Variants in NRXN1 observed in about 807,000 individuals in gnomAD.
NRXN1 encodes the protein neurexin 1.
In NRXN1, 39 loss-of-function variants were observed where a neutral mutation model predicts 150.9. The observed-to-expected ratio is 0.26, with a 90% CI of 0.20 to 0.34. The LOEUF is 0.34. Among genes scored for constraint, NRXN1 ranks in the 10% least tolerant of loss-of-function variants. The probability of loss-of-function intolerance (pLI) is 1.00; values close to 1 mark genes in which losing one functional copy is unlikely to be tolerated. For missense variants in NRXN1, 1,815 were observed against 1,949.9 expected (o/e 0.93, Z 1.30); for synonymous variants, 924 against 757.0 (o/e 1.22, Z -3.62).
At chr2:49,950,540 T>C (rs1673744290) in intron 21 of NRXN1, among the ~76,000 whole-genome samples, 1 of 151,970 alleles carries the variant, frequency 6.6e-6, no homozygotes, top group Non-Finnish European at 1.5e-5. Context: ...AAGGTATAAA[T>C]TGTGGTTCCG....
At chr2:50,027,609 T>G (rs1688561032) in intron 21 of NRXN1, among the ~76,000 whole-genome samples, 1 of 152,078 alleles carries the variant, frequency 6.6e-6, no homozygotes, top group Admixed American at 6.6e-5. Context: ...GTCCTCCTAA[T>G]TTTTATATTT....
At chr2:50,364,751 A>G (rs1027961422) in intron 17 of NRXN1, among the ~76,000 whole-genome samples, 3 of 152,254 alleles carry the variant, frequency 2.0e-5, no homozygotes, top group Admixed American at 6.6e-5. Context: ...GGCAGTAGCA[A>G]CCAGAAACAG....
At chr2:51,007,296 G>A (rs568021542) in intron 2 of NRXN1, among the ~76,000 whole-genome samples, 34 of 151,932 alleles carry the variant, frequency 2.2e-4, no homozygotes, top group Non-Finnish European at 3.5e-4. Context: ...ATTGTCCAAA[G>A]AAAAATTGAT....
chr2:50,929,795 A>T (rs764326603), intron 2 of NRXN1, among the ~76,000 whole-genome samples: 8 of 152,128 alleles, frequency 5.3e-5, no homozygotes, highest in Non-Finnish European at 1.0e-4. Flanking sequence ...AGCAGAGCTT[A>T]GTTCCCATGG....
intron 14 of NRXN1, among the ~76,000 whole-genome samples, chr2:50,496,656 C>A (rs1435699039): frequency 6.6e-6 from 1 of 152,110 alleles, no homozygotes; most frequent in Non-Finnish European, 1.5e-5. Flanking sequence ...CATCTACAAA[C>A]CCTAGGATTG....
At chr2:50,304,867 G>C (rs183284179) in intron 17 of NRXN1, among the ~76,000 whole-genome samples, 80 of 152,166 alleles carry the variant, frequency 5.3e-4, no homozygotes, top group Middle Eastern at 3.4e-3. Context: ...CAAGGTGGGC[G>C]GATCAGAAGG....
At chr2:50,040,959 G>A (rs950045837) in intron 21 of NRXN1, among the ~76,000 whole-genome samples, 5 of 151,866 alleles carry the variant, frequency 3.3e-5, no homozygotes, top group African/African-American at 1.2e-4. Context: ...TTGGTGTGCT[G>A]CACCCATTAA....
chr2:50,442,276 T>G (rs1419752961), intron 17 of NRXN1, among the ~76,000 whole-genome samples: 1 of 152,164 alleles, frequency 6.6e-6, no homozygotes, highest in Non-Finnish European at 1.5e-5. Context: ...GTCCTACATG[T>G]TGCCTATCAT....
intron 5 of NRXN1, among the ~76,000 whole-genome samples, chr2:50,732,478 T>C (rs1698223535): frequency 6.6e-6 from 1 of 152,200 alleles, no homozygotes; most frequent in Non-Finnish European, 1.5e-5. Context: ...CGGTCTGTAC[T>C]TTTCACTGAA....
chr2:50,190,777 T>A (rs1022223318), intron 18 of NRXN1, among the ~76,000 whole-genome samples: 1 of 151,430 alleles, frequency 6.6e-6, no homozygotes, highest in Admixed American at 6.6e-5. Flanking sequence ...CATGGCCGGC[T>A]AATTTTGTAT....
intron 21 of NRXN1, among the ~76,000 whole-genome samples, chr2:50,007,205 A>T (rs79944261): frequency 1.6e-5 from 1 of 62,682 alleles, no homozygotes; most frequent in Admixed American, 2.2e-4. Context: ...AATTAGCCAG[A>T]CATAGTAGTG....
rs587781102 is a variant in NRXN1 at position 51,028,013 on chromosome 2, G to A, written c.261C>T (p.Gly87=). The change falls in exon 2 of 23, where the codon GGC becomes GGT. Residue 87 remains glycine (G), a synonymous_variant. Coordinates refer to ENST00000401669, the MANE Select transcript of NRXN1 (RefSeq NM_001330078.2). ...AGATGGAGAAGCTGAGCTGCAGGCGGCCGCCGCGCGTCAGAATCAGCTCCA... is the reference window on the plus strand; with the variant it reads ...AGATGGAGAAGCTGAGCTGCAGGCGACCGCCGCGCGTCAGAATCAGCTCCA... The part of the protein sequence containing the change: ...DFLELILTRG[G]RLQLSFSIFC... 6.3e-6 allele frequency: 10 copies of A among 1,599,332 alleles called. No homozygotes were observed.
intron 17 of NRXN1, among the ~76,000 whole-genome samples, chr2:50,266,770 C>T (rs905604100): frequency 2.0e-5 from 3 of 151,892 alleles, no homozygotes; most frequent in African/African-American, 4.8e-5. Context: ...TTAATGACTC[C>T]GCTGTGAAGA....
intron 15 of NRXN1, among the ~76,000 whole-genome samples, chr2:50,493,934 T>C (rs549661465): frequency 7.5e-4 from 114 of 152,344 alleles, no homozygotes; most frequent in African/African-American, 2.6e-3. Flanking sequence ...ACAGTGTTTT[T>C]TCTTTATTAT....
chr2:50,910,651 A>G (rs1204822686), intron 5 of NRXN1, among the ~76,000 whole-genome samples: 1 of 151,962 alleles, frequency 6.6e-6, no homozygotes, highest in Non-Finnish European at 1.5e-5. Flanking sequence ...ACAGTGACTG[A>G]CCAATAATAA....
At chr2:50,605,184 C>A (rs552897334) in intron 8 of NRXN1, among the ~76,000 whole-genome samples, 1 of 152,256 alleles carries the variant, frequency 6.6e-6, no homozygotes, top group East Asian at 1.9e-4. Flanking sequence ...TGTTTCTATG[C>A]TTATTTAGCA....
At chr2:50,926,009 A>G in intron 2 of NRXN1, 54 bp from the exon 3 acceptor site, 1 of 1,451,986 alleles carries the variant, frequency 6.9e-7, no homozygotes, top group South Asian at 1.2e-5. Flanking sequence ...ATTAAGCAGC[A>G]TGCAGACTGG....
At chr2:50,173,201 CA>C (rs953033966) in intron 18 of NRXN1, among the ~76,000 whole-genome samples, 3 of 152,004 alleles carry the variant, frequency 2.0e-5, no homozygotes, top group African/African-American at 7.2e-5. Flanking sequence ...AATCCAAAAG[CA>C]AAAACTCATC....
rs1667873409 is a variant in NRXN1, at chr2:49,919,684, G to A, written c.*2260C>T. ...AAAAGACTCGTGAATTATTTAATGT[G>A]GCAAATTAAAAAAAATGAAAATCTA... On this transcript the variant is annotated 3_prime_UTR_variant, in exon 23 of 23. Coordinates refer to ENST00000401669, the MANE Select transcript of NRXN1 (RefSeq NM_001330078.2). 1 of 151,810 alleles carries A rather than the reference G, an allele frequency of 6.6e-6. No individual in the cohort carries two copies. The highest frequency in any genetic ancestry group is 2.1e-4 in the South Asian group (1 of 4,818). The allele number at this position is 151,810 out of a possible 1,614,324, so 9.4% of individuals were successfully genotyped here. A position where few individuals can be genotyped will look rare whatever the true frequency, so the allele number is the denominator to read the frequency against.
Sources: allele counts gnomAD v4.1 joint callset (sites outside exome capture counted in the v4.1 genomes callset), GRCh38; gene constraint gnomAD v4.1.1; transcripts MANE v1.5; gene names NCBI Gene and HGNC (gene_info 2026-07-23, HGNC 2026-07-21).